Variants in PTPRM observed in about 807,000 individuals in gnomAD.
The protein encoded by PTPRM is protein tyrosine phosphatase receptor type M.
A neutral mutation model predicts 186.7 loss-of-function variants in PTPRM; 47 were observed. The observed-to-expected ratio is 0.25, with a 90% CI of 0.20 to 0.32. The LOEUF (loss-of-function observed/expected upper bound fraction) is 0.32. Ranked by LOEUF, PTPRM falls within the 10% of genes least tolerant of loss-of-function variation. The pLI is 1.00. For synonymous variants in PTPRM, 668 were observed against 674.9 expected, an observed-to-expected ratio of 0.99 and a Z score of 0.16; for missense variants, 1,494 against 1,865.0, an observed-to-expected ratio of 0.80 and a Z score of 3.66.
chr18:7,741,215 A>G (rs2040877827), intron 1 of PTPRM: 1 of 152,184 alleles, frequency 6.6e-6, no homozygotes, highest in Admixed American at 6.5e-5. Context: ...AATTTTTAGC[A>G]TAGTGGTGGC....
chr18:8,104,636 C>T (rs1451395229), intron 11 of PTPRM, among the ~76,000 whole-genome samples: 2 of 151,904 alleles, frequency 1.3e-5, no homozygotes, highest in Non-Finnish European at 2.9e-5. Flanking sequence ...TTCTATAGAG[C>T]AGGGTCTCAC....
chr18:8,002,575 T>C (rs2083934952), intron 7 of PTPRM, among the ~76,000 whole-genome samples: 1 of 152,182 alleles, frequency 6.6e-6, no homozygotes, highest in East Asian at 1.9e-4. Flanking sequence ...CTGCGTATTC[T>C]CCTGTGTCCG....
intron 14 of PTPRM, among the ~76,000 whole-genome samples, chr18:8,181,860 GA>G (rs77191187): frequency 0.012 from 972 of 81,872 alleles, 9 homozygotes; most frequent in Middle Eastern, 0.02. Context: ...TTTAATACGT[GA>G]AAAAAAAAAA....
rs766887539 is a variant in PTPRM, at chr18:8,394,355, C to T, written c.4209-121C>T. ...GAATCTGCCCAGGTAAGAGGTCCCC[C>T]GGCCTCAGAGCCCTTTGTTGTTACT... On this transcript the variant is annotated intron_variant, in intron 31 of 32. Transcript: ENST00000580170. 6.4e-5 allele frequency: 72 copies of T among 1,128,736 alleles called. 1 individual carries two copies. In the Middle Eastern group the frequency reaches 1.8e-3, roughly 29 times the overall value. The allele number at this position is 1,128,736 out of a possible 1,614,324, so 69.9% of individuals were successfully genotyped here.
At chr18:8,361,280 T>A (rs2095595694) in intron 23 of PTPRM, among the ~76,000 whole-genome samples, 1 of 152,188 alleles carries the variant, frequency 6.6e-6, no homozygotes, top group Non-Finnish European at 1.5e-5. Context: ...TAAAGCTTGT[T>A]ATCTTCCTAA....
intron 1 of PTPRM, among the ~76,000 whole-genome samples, chr18:7,720,285 G>T (rs1297864838): frequency 6.6e-6 from 1 of 152,010 alleles, no homozygotes; most frequent in Non-Finnish European, 1.5e-5. Flanking sequence ...GAAGAGTAAT[G>T]GGGAAATTGC....
chr18:7,730,543 T>C (rs1196878206), intron 1 of PTPRM, among the ~76,000 whole-genome samples: 1 of 152,214 alleles, frequency 6.6e-6, no homozygotes, highest in Non-Finnish European at 1.5e-5. Flanking sequence ...AAATGATTAT[T>C]CTTGGATTAT....
rs111458057 is a variant in PTPRM, at chr18:8,388,969, G to GA, written c.4208+1744dup. Among the ~76,000 whole-genome samples the GA allele has an allele frequency of 3.2e-4, 48 of 148,062 alleles. No homozygotes were observed. The East Asian group carries it at 6.5e-3, about 20-fold the overall frequency. ...GAGCGAGACTCCATCTCAAAGAAAA[G>GA]AAAAAAAAAATCTCTATCAAGAAAA... On this transcript the variant is annotated intron_variant, in intron 31 of 32. Transcript: ENST00000580170.
chr18:8,198,476 T>G (rs1275168067), intron 14 of PTPRM, among the ~76,000 whole-genome samples: 1 of 152,146 alleles, frequency 6.6e-6, no homozygotes, highest in East Asian at 1.9e-4. Context: ...TTTTAGAAAT[T>G]GAATTATTAT....
At chr18:8,081,968 C>T (rs2090152154) in intron 9 of PTPRM, among the ~76,000 whole-genome samples, 1 of 152,180 alleles carries the variant, frequency 6.6e-6, no homozygotes, top group South Asian at 2.1e-4. Flanking sequence ...TATTTTGCAG[C>T]CACAAGGCTT....
intron 11 of PTPRM, among the ~76,000 whole-genome samples, chr18:8,103,853 G>T (rs1023326789): frequency 6.6e-6 from 1 of 152,004 alleles, no homozygotes; most frequent in Admixed American, 6.6e-5. Context: ...AATAATTTCC[G>T]GCTTTTAATT....
Position 7,758,904 on chromosome 18 carries a change from G to A in PTPRM, c.74-15245G>A, listed in dbSNP as rs143371751. Among the ~76,000 whole-genome samples, 1,306 of 152,228 alleles carry A rather than the reference G, an allele frequency of 8.6e-3. 19 individuals are homozygous for A. Among genetic ancestry groups the A allele is most frequent in the African/African-American group, 0.027 (1,104 of 41,528 alleles). ...CCCTCATTTCTCCCCTGAACCCAGG[G>A]TAAAATGAACATACTGTTTATACTG... On this transcript the variant is annotated intron_variant, in intron 1 of 32. Transcript: ENST00000580170.
chr18:7,576,459 A>G (rs1415575629), intron 1 of PTPRM, among the ~76,000 whole-genome samples: 1 of 152,062 alleles, frequency 6.6e-6, no homozygotes, highest in Non-Finnish European at 1.5e-5. Flanking sequence ...CACCCTTTGT[A>G]TAGTCTGTGT....
At chr18:8,271,447 A>G (rs1340301661) in intron 19 of PTPRM, among the ~76,000 whole-genome samples, 2 of 152,032 alleles carry the variant, frequency 1.3e-5, no homozygotes, top group Non-Finnish European at 2.9e-5. Context: ...ATTCATGTTC[A>G]TAGGCGAGTC....
intron 1 of PTPRM, among the ~76,000 whole-genome samples, chr18:7,573,826 G>A (rs1194699042): frequency 2.0e-5 from 3 of 151,896 alleles, no homozygotes. Context: ...CCTGACCTCA[G>A]GTGATCCTCC....
At chr18:8,374,734 G>A (rs529600083) in intron 24 of PTPRM, among the ~76,000 whole-genome samples, 3 of 152,352 alleles carry the variant, frequency 2.0e-5, no homozygotes, top group South Asian at 2.1e-4. Flanking sequence ...TCACAGAGAA[G>A]TAAAGCTTCA....
chr18:7,802,587 T>A lies in PTPRM; in HGVS notation c.196+28316T>A, dbSNP rs151081739. ...CTGATACTTTAATATGACAGCCCAC[T>A]GCCGTTATTACAAATGTGTAGTATT... On this transcript the variant is annotated intron_variant, in intron 2 of 32. Coordinates refer to ENST00000580170, the MANE Select transcript of PTPRM (RefSeq NM_001105244.2). 8.5e-5 allele frequency among the ~76,000 whole-genome samples: 13 copies of A among 152,312 alleles called. No homozygotes were observed. The East Asian group carries it at 2.3e-3, about 27-fold the overall frequency.
chr18:7,635,303 C>T (rs1423717542), intron 1 of PTPRM, among the ~76,000 whole-genome samples: 2 of 152,094 alleles, frequency 1.3e-5, no homozygotes, highest in Non-Finnish European at 2.9e-5. Context: ...ATAGCTAAGG[C>T]AATTTTATAA....
intron 13 of PTPRM, among the ~76,000 whole-genome samples, chr18:8,132,980 C>G (rs979749330): frequency 6.6e-6 from 1 of 152,060 alleles, no homozygotes; most frequent in East Asian, 1.9e-4. Context: ...ATTTATTTGA[C>G]TCATGGTTCT....
Sources: allele counts gnomAD v4.1 joint callset (sites outside exome capture counted in the v4.1 genomes callset), GRCh38; gene constraint gnomAD v4.1.1; transcripts MANE v1.5; gene names NCBI Gene and HGNC (gene_info 2026-07-23, HGNC 2026-07-21).